Variants in DPP6 observed in about 807,000 individuals in gnomAD.
The protein encoded by DPP6 is A-type potassium channel modulatory protein DPP6.
DPP6 carries 69 observed loss-of-function variants against 122.6 expected under a neutral mutation model. The ratio of observed to expected loss-of-function variants is 0.56; its 90% confidence interval spans 0.46 to 0.69. The LOEUF is 0.69. DPP6 is among the 30% of genes least tolerant of loss of function. The probability of loss-of-function intolerance (pLI) is 0.00; values close to 1 mark genes in which losing one functional copy is unlikely to be tolerated. For synonymous variants in DPP6, 418 were observed against 433.1 expected, an observed-to-expected ratio of 0.97 and a Z score of 0.43; for missense variants, 928 against 1,116.9, an observed-to-expected ratio of 0.83 and a Z score of 2.41.
At chr7:154,696,492 G>A (rs1840226051) in intron 7 of DPP6, among the ~76,000 whole-genome samples, 1 of 152,166 alleles carries the variant, frequency 6.6e-6, no homozygotes, top group Non-Finnish European at 1.5e-5. Flanking sequence ...CCTAAGTTTG[G>A]TGACTTCTGA....
chr7:154,879,624 C>CAGGTG (rs1414034352), intron 20 of DPP6, among the ~76,000 whole-genome samples: 6 of 151,420 alleles, frequency 4.0e-5, no homozygotes, highest in African/African-American at 1.2e-4. Flanking sequence ...AAAAATCAGC[C>CAGGTG]AGGTGTAATC....
intron 2 of DPP6, among the ~76,000 whole-genome samples, chr7:154,473,513 C>T (rs1476261025): frequency 3.3e-5 from 5 of 152,180 alleles, no homozygotes; most frequent in African/African-American, 1.2e-4. Flanking sequence ...CATGACTTTT[C>T]TGACAATTTC....
intron 7 of DPP6, among the ~76,000 whole-genome samples, chr7:154,692,421 A>G (rs1839981368): frequency 6.6e-6 from 1 of 152,234 alleles, no homozygotes; most frequent in African/African-American, 2.4e-5. Flanking sequence ...GCCTCAATCA[A>G]TAACAGCTGT....
At chr7:154,180,222 C>T (rs949479599) in intron 1 of DPP6, among the ~76,000 whole-genome samples, 1 of 151,590 alleles carries the variant, frequency 6.6e-6, no homozygotes, top group Non-Finnish European at 1.5e-5. Flanking sequence ...GTAGTGCGCA[C>T]CTATAATCTC....
intron 1 of DPP6, among the ~76,000 whole-genome samples, chr7:153,943,037 A>G (rs866691916): frequency 1.1e-4 from 16 of 152,162 alleles, no homozygotes; most frequent in African/African-American, 3.6e-4. Context: ...CTTTCCCTAG[A>G]TTCGCCTTTC....
intron 2 of DPP6, among the ~76,000 whole-genome samples, chr7:154,471,450 G>A (rs1355627657): frequency 6.6e-6 from 1 of 152,096 alleles, no homozygotes; most frequent in Non-Finnish European, 1.5e-5. Context: ...TGGAAGGTTG[G>A]TTTTCATGAG....
At chr7:154,759,337 T>C (rs1450124837) in intron 8 of DPP6, among the ~76,000 whole-genome samples, 1 of 152,110 alleles carries the variant, frequency 6.6e-6, no homozygotes, top group Non-Finnish European at 1.5e-5. Flanking sequence ...CAATTAACAG[T>C]AGGGAAGGGA....
At chr7:154,597,802 A>G (rs1003027539) in intron 5 of DPP6, among the ~76,000 whole-genome samples, 1 of 152,052 alleles carries the variant, frequency 6.6e-6, no homozygotes, top group Non-Finnish European at 1.5e-5. Context: ...TCCTTCCTGC[A>G]TCTGGTGGTT....
At chr7:154,214,179 T>C (rs968791697) in intron 1 of DPP6, among the ~76,000 whole-genome samples, 1 of 152,204 alleles carries the variant, frequency 6.6e-6, no homozygotes, top group African/African-American at 2.4e-5. Context: ...AGTTCAGATA[T>C]GTGTTTAGGT....
intron 16 of DPP6, among the ~76,000 whole-genome samples, chr7:154,847,824 G>T (rs1802062872): frequency 6.6e-6 from 1 of 151,988 alleles, no homozygotes; most frequent in Non-Finnish European, 1.5e-5. Context: ...TTCCCCACCT[G>T]CCGCCCCCTC....
rs140148988 is a variant in DPP6 at position 154,611,961 on chromosome 7, T to G, written c.628-25860T>G. On this transcript the variant is annotated intron_variant, in intron 5 of 25. Transcript: ENST00000377770. The stretch of plus-strand genomic sequence containing the variant: ...AGCACCTGCTGTGGTTTGAATGTGT[T>G]CTTACAAAAACATGTGTTGGAAATT... Among the ~76,000 whole-genome samples, 556 of 152,274 alleles carry G rather than the reference T, an allele frequency of 3.7e-3. 1 individual carries two copies. Among genetic ancestry groups the G allele is most frequent in the Non-Finnish European group, 6.5e-3 (442 of 68,026 alleles).
intron 12 of DPP6, among the ~76,000 whole-genome samples, chr7:154,797,203 C>T (rs1486821877): frequency 1.3e-5 from 2 of 152,132 alleles, no homozygotes; most frequent in African/African-American, 4.8e-5. Context: ...TGGATCTTAC[C>T]AGGCACCATG....
intron 5 of DPP6, among the ~76,000 whole-genome samples, chr7:154,599,650 C>T (rs991918754): frequency 6.6e-6 from 1 of 151,938 alleles, no homozygotes; most frequent in African/African-American, 2.4e-5. Flanking sequence ...AGGTATATCT[C>T]CTAATGCTAT....
At chr7:154,162,240 G>A (rs1246697345) in intron 1 of DPP6, among the ~76,000 whole-genome samples, 1 of 151,756 alleles carries the variant, frequency 6.6e-6, no homozygotes, top group African/African-American at 2.4e-5. Context: ...CTGAGTGGAG[G>A]GAGGCCTTGG....
chr7:153,777,067 A>G, the DPP6 span, among the ~76,000 whole-genome samples: 3 of 152,226 alleles, frequency 2.0e-5, no homozygotes, highest in African/African-American at 7.2e-5. Context: ...GTCAACAATG[A>G]GGAAACAGAT....
At position 153,988,224 on chromosome 7, in the gene DPP6, C is replaced by G. The variant is rs140856706; in HGVS notation, c.51+100490C>G. Among the ~76,000 whole-genome samples the G allele has an allele frequency of 3.3e-3, 506 of 152,188 alleles. 1 individual carries two copies. Among genetic ancestry groups the G allele is most frequent in the Non-Finnish European group, 5.6e-3 (383 of 68,012 alleles). On this transcript the variant is annotated intron_variant, in intron 1 of 25. Coordinates refer to the DPP6 transcript ENST00000404039. Reference sequence around the variant, plus strand: ...CAAACTGAGGGTGACAAGAAGCTGGCGCCTTTTGCTCCACTTCCCAGCCAG... The same window carrying G: ...CAAACTGAGGGTGACAAGAAGCTGGGGCCTTTTGCTCCACTTCCCAGCCAG...
intron 3 of DPP6, among the ~76,000 whole-genome samples, chr7:154,491,211 T>C (rs553984350): frequency 6.6e-6 from 1 of 152,318 alleles, no homozygotes; most frequent in South Asian, 2.1e-4. Flanking sequence ...AATTGTTGGG[T>C]TTTAAAAACT....
At chr7:153,806,004 A>C in the DPP6 span, among the ~76,000 whole-genome samples, 15,766 of 151,846 alleles carry the variant, frequency 0.1, 1,258 homozygotes, top group African/African-American at 0.22. Context: ...AGTATAATAA[A>C]AAAAAATACA....
chr7:154,810,002 T>G (rs1029971744), intron 16 of DPP6, among the ~76,000 whole-genome samples: 3 of 152,322 alleles, frequency 2.0e-5, no homozygotes, highest in African/African-American at 7.2e-5. Context: ...CCCAAGTAGC[T>G]GGGATTACAT....
Sources: allele counts gnomAD v4.1 joint callset (sites outside exome capture counted in the v4.1 genomes callset), GRCh38; gene constraint gnomAD v4.1.1; transcripts MANE v1.5; gene names NCBI Gene and HGNC (gene_info 2026-07-23, HGNC 2026-07-21).